The following SCD5 variants were observed in gnomAD, a reference collection of about 807,000 sequenced individuals.
SCD5 encodes acyl-CoA-desaturase 4.
In SCD5, 20 loss-of-function variants were observed where a neutral mutation model predicts 30.4. The observed-to-expected ratio is 0.66, with a 90% CI of 0.46 to 0.96. The LOEUF is 0.96. Ranked by LOEUF, SCD5 falls within the 40% of genes least tolerant of loss-of-function variation. The pLI is 0.00. For missense variants in SCD5, 381 were observed against 443.3 expected (o/e 0.86, Z 1.26); for synonymous variants, 173 against 176.4 (o/e 0.98, Z 0.16).
At chr4:82,776,366 A>C (rs1194840473) in intron 1 of SCD5, among the ~76,000 whole-genome samples, 2 of 152,198 alleles carry the variant, frequency 1.3e-5, no homozygotes, top group South Asian at 2.1e-4. Flanking sequence ...TCATTTCGGC[A>C]TCTGTGAATG....
intron 3 of SCD5, among the ~76,000 whole-genome samples, chr4:82,662,441 A>C (rs1728033318): frequency 6.6e-6 from 1 of 152,208 alleles, no homozygotes; most frequent in Non-Finnish European, 1.5e-5. Flanking sequence ...AGGTATAAAA[A>C]GCCAAGAGTT....
intron 1 of SCD5, among the ~76,000 whole-genome samples, chr4:82,747,386 A>T (rs931519027): frequency 6.6e-6 from 1 of 151,988 alleles, no homozygotes; most frequent in Admixed American, 6.6e-5. Flanking sequence ...GCTCACACAG[A>T]CTCCCTGGCT....
intron 1 of SCD5, among the ~76,000 whole-genome samples, chr4:82,710,326 C>A (rs1296880555): frequency 6.6e-6 from 1 of 152,152 alleles, no homozygotes; most frequent in Non-Finnish European, 1.5e-5. Context: ...AACCCACCAC[C>A]AGATGCTGAC....
At position 82,798,473 on chromosome 4, in the gene SCD5, G is replaced by A. The variant is rs775684998; in HGVS notation, c.65C>T (p.Ala22Val). 2.5e-6 allele frequency: 4 copies of A among 1,612,638 alleles called. No individual in the cohort carries two copies. Among genetic ancestry groups the A allele is most frequent in the East Asian group, 4.5e-5 (2 of 44,822 alleles). Reference protein sequence around the residue: ...PFCDAKEEIRAGLESSEGGGG... With the variant: ...PFCDAKEEIRVGLESSEGGGG... ...GCCGCCCTCAGAGCTTTCGAGCCCGGCACGGATTTCTTCCTTGGCGTCGCA... is the reference window on the plus strand; with the variant it reads ...GCCGCCCTCAGAGCTTTCGAGCCCGACACGGATTTCTTCCTTGGCGTCGCA... Residue 22 changes from alanine to valine, a missense_variant, in exon 1 of 5, where the codon GCC becomes GTC. Transcript: ENST00000319540.
intron 1 of SCD5, among the ~76,000 whole-genome samples, chr4:82,723,475 T>C (rs998669925): frequency 7.2e-5 from 11 of 152,236 alleles, no homozygotes; most frequent in African/African-American, 2.4e-4. Context: ...CTATATACTT[T>C]TTTGCTAAAA....
Position 82,734,905 on chromosome 4 carries a change from C to T in SCD5, c.233-29492G>A, listed in dbSNP as rs187108030. 4.7e-3 allele frequency among the ~76,000 whole-genome samples: 717 copies of T among 152,140 alleles called. 4 individuals carry two copies. The highest frequency in any genetic ancestry group is 7.3e-3 in the Non-Finnish European group (497 of 67,998). ...TCAGCCTCCCAGAGTGCTGGGATTA[C>T]AGGTGTGTGCCACCATGCCCAGCTA... On this transcript the variant is annotated intron_variant, in intron 1 of 4. Coordinates refer to ENST00000319540, the MANE Select transcript of SCD5 (RefSeq NM_001037582.3).
At chr4:82,757,867 AT>A (rs1721266022) in intron 1 of SCD5, among the ~76,000 whole-genome samples, 1 of 152,324 alleles carries the variant, frequency 6.6e-6, no homozygotes, top group East Asian at 1.9e-4. Flanking sequence ...AACAGGATGC[AT>A]TTTTTTAAAG....
intron 2 of SCD5, among the ~76,000 whole-genome samples, chr4:82,687,970 C>T (rs529263879): frequency 5.3e-5 from 8 of 152,298 alleles, no homozygotes; most frequent in East Asian, 3.9e-4. Context: ...CAGCATTTAG[C>T]TTGTCCCATT....
chr4:82,720,147 C>G (rs960898287), intron 1 of SCD5, among the ~76,000 whole-genome samples: 1 of 151,928 alleles, frequency 6.6e-6, no homozygotes, highest in Non-Finnish European at 1.5e-5. Flanking sequence ...AAAAGAGAAA[C>G]GGCCAGGCAC....
At chr4:82,651,318 C>A (rs1369687325) in intron 3 of SCD5, among the ~76,000 whole-genome samples, 1 of 152,190 alleles carries the variant, frequency 6.6e-6, no homozygotes, top group Non-Finnish European at 1.5e-5. Flanking sequence ...GCATCCACAG[C>A]AACCTGGATG....
chr4:82,781,976 T>C (rs948082643), intron 1 of SCD5, among the ~76,000 whole-genome samples: 4 of 152,112 alleles, frequency 2.6e-5, no homozygotes, highest in African/African-American at 9.7e-5. Context: ...GTTGACAGGA[T>C]GCAGGTGAGG....
In SCD5 at chr4:82,741,921, C is replaced by T. The variant is rs576837026; in HGVS notation, c.233-36508G>A. Among the ~76,000 whole-genome samples the T allele has an allele frequency of 7.2e-3, 1,092 of 151,588 alleles. 10 individuals carry two copies. Among genetic ancestry groups the T allele is most frequent in the Middle Eastern group, 0.014 (4 of 294 alleles). Reference sequence around the variant, plus strand: ...GGAGCTGTTAATGAGCTGTAGTGTCCCCCTTAAAATCCCCCAAAGAAAGAT... The same window carrying T: ...GGAGCTGTTAATGAGCTGTAGTGTCTCCCTTAAAATCCCCCAAAGAAAGAT... On this transcript the variant is annotated intron_variant, in intron 1 of 4. Transcript: ENST00000319540.
At chr4:82,754,495 A>T (rs1041607901) in intron 1 of SCD5, among the ~76,000 whole-genome samples, 2 of 151,396 alleles carry the variant, frequency 1.3e-5, no homozygotes, top group Admixed American at 1.3e-4. Flanking sequence ...AGGGAGAGGG[A>T]CTCCTTCCAG....
intron 2 of SCD5, among the ~76,000 whole-genome samples, chr4:82,684,422 A>T (rs1330361016): frequency 1.3e-5 from 2 of 152,222 alleles, no homozygotes; most frequent in Non-Finnish European, 2.9e-5. Flanking sequence ...ATGTGCATCA[A>T]CAATAGAGCA....
At chr4:82,751,267 C>A (rs1003839479) in intron 1 of SCD5, among the ~76,000 whole-genome samples, 1 of 151,954 alleles carries the variant, frequency 6.6e-6, no homozygotes, top group Non-Finnish European at 1.5e-5. Context: ...GTGATCATAG[C>A]TCACTGCAGC....
rs750322556 is a variant in SCD5, at chr4:82,798,506, A to T, written c.32T>A (p.Ile11Asn). The T allele has an allele frequency of 1.2e-6, 2 of 1,607,372 alleles. No homozygotes were observed. Among genetic ancestry groups the T allele is most frequent in the South Asian group, 2.2e-5 (2 of 89,756 alleles). Residue 11 changes from isoleucine to asparagine, a missense_variant, in exon 1 of 5, where the codon ATC (isoleucine) becomes AAC (asparagine). Transcript: ENST00000319540. MPGPATDAGK[I>N]PFCDAKEEIR... ...TTCTTCCTTGGCGTCGCAGAAAGGGATCTTCCCCGCGTCGGTGGCCGGGCC... is the reference window on the plus strand; with the variant it reads ...TTCTTCCTTGGCGTCGCAGAAAGGGTTCTTCCCCGCGTCGGTGGCCGGGCC...
intron 3 of SCD5, among the ~76,000 whole-genome samples, chr4:82,650,186 A>T (rs4693044): frequency 0.76 from 115,394 of 152,102 alleles, 44,641 homozygotes; most frequent in East Asian, 0.99. Flanking sequence ...AGGTAGTTCA[A>T]CTGGCTCAGT....
chr4:82,726,805 C>T (rs1880713), intron 1 of SCD5, among the ~76,000 whole-genome samples: 63,575 of 151,972 alleles, frequency 0.42, 13,769 homozygotes, highest in African/African-American at 0.52. Context: ...AAAGCCTATG[C>T]TTCTTGGCAT....
In SCD5 at chr4:82,798,355, C is replaced by T; in HGVS notation, c.183G>A (p.Val61=). 6.8e-6 allele frequency: 11 copies of T among 1,613,248 alleles called. No homozygotes were observed. Among genetic ancestry groups the T allele is most frequent in the Non-Finnish European group, 9.3e-6 (11 of 1,179,572 alleles). Residue 61 remains valine, a synonymous_variant, in exon 1 of 5, where the codon GTG becomes GTA. Coordinates refer to ENST00000319540, the MANE Select transcript of SCD5 (RefSeq NM_001037582.3). ...VLMSLLHLGA[V]YSLVLIPKAK... ...CTTTGGGGATGAGCACCAGGGAGTACACGGCCCCCAAGTGGAGCAAGCTCA... is the reference window on the plus strand; with the variant it reads ...CTTTGGGGATGAGCACCAGGGAGTATACGGCCCCCAAGTGGAGCAAGCTCA...
Sources: gnomAD v4.1 joint callset for allele counts (sites outside exome capture counted in the v4.1 genomes callset) on GRCh38, gnomAD v4.1.1 for gene constraint, MANE v1.5 for transcripts, NCBI Gene and HGNC (gene_info 2026-07-23, HGNC 2026-07-21) for gene names.